The following WDR35 variants were observed in gnomAD, a reference collection of about 807,000 sequenced individuals.
The protein encoded by WDR35 is WD repeat domain 35, also known as WD repeat-containing protein 35.
In WDR35, 118 loss-of-function variants were observed where a neutral mutation model predicts 158.3. The observed-to-expected ratio is 0.75, with a 90% confidence interval of 0.64 to 0.87. The LOEUF is 0.87. Ranked by LOEUF, WDR35 falls within the 40% of genes least tolerant of loss-of-function variation. The probability of loss-of-function intolerance (pLI) is 0.00; values close to 1 mark genes in which losing one functional copy is unlikely to be tolerated. For missense variants in WDR35, 1,263 were observed against 1,405.8 expected, an observed-to-expected ratio of 0.90 and a Z score of 1.62; for synonymous variants, 448 against 476.1, an observed-to-expected ratio of 0.94 and a Z score of 0.77.
chr2:19,917,171 TAAC>T (rs1277917800), intron 25 of WDR35, among the ~76,000 whole-genome samples: 2 of 152,050 alleles, frequency 1.3e-5, no homozygotes, highest in Non-Finnish European at 2.9e-5. Flanking sequence ...GAAGGAAAAC[TAAC>T]AAACAGAAAG....
At chr2:19,963,119 T>A (rs1230541574) in intron 10 of WDR35, among the ~76,000 whole-genome samples, 1 of 152,192 alleles carries the variant, frequency 6.6e-6, no homozygotes, top group African/African-American at 2.4e-5. Flanking sequence ...CTTTCTTTCA[T>A]TCCCTTTTCC....
intron 12 of WDR35, 79 bp downstream of exon 12, chr2:19,953,755 C>A (rs147967623): frequency 1.1e-5 from 18 of 1,582,306 alleles, no homozygotes; most frequent in African/African-American, 1.3e-5. Context: ...AGTTATCAAG[C>A]ATGACAATTT....
At chr2:19,950,461 T>C (rs148864616) in intron 13 of WDR35, among the ~76,000 whole-genome samples, 6 of 152,212 alleles carry the variant, frequency 3.9e-5, no homozygotes, top group Non-Finnish European at 8.8e-5. Context: ...AGAGAGAAGG[T>C]AGTAGCTGGA....
intron 25 of WDR35, among the ~76,000 whole-genome samples, chr2:19,917,205 A>C (rs940176046): frequency 6.6e-6 from 1 of 152,184 alleles, no homozygotes; most frequent in Non-Finnish European, 1.5e-5. Context: ...AACACCAACA[A>C]AAAGGATGTC....
chr2:19,972,298 T>G (rs535618969), intron 8 of WDR35, among the ~76,000 whole-genome samples: 1 of 152,340 alleles, frequency 6.6e-6, no homozygotes, highest in Non-Finnish European at 1.5e-5. Context: ...TAGTTACAGC[T>G]AAACCAAACC....
chr2:19,978,692 AAAG>A, intron 5 of WDR35, 56 bp downstream of exon 5: 2 of 1,610,802 alleles, frequency 1.2e-6, no homozygotes, highest in Non-Finnish European at 1.7e-6. Context: ...TTAAATCTCT[AAAG>A]AAGAAAACTG....
chr2:19,950,551 A>G (rs993910219), intron 13 of WDR35, among the ~76,000 whole-genome samples: 4 of 152,186 alleles, frequency 2.6e-5, no homozygotes, highest in Admixed American at 2.6e-4. Flanking sequence ...GGTACAGGAG[A>G]AAAGCTGGTT....
At chr2:19,926,199 A>C (rs889237507) in intron 25 of WDR35, among the ~76,000 whole-genome samples, 1 of 152,226 alleles carries the variant, frequency 6.6e-6, no homozygotes, top group African/African-American at 2.4e-5. Context: ...ATTCCAAAAA[A>C]TTGGCCTTTA....
intron 8 of WDR35, among the ~76,000 whole-genome samples, chr2:19,970,704 G>A (rs539916747): frequency 2.6e-5 from 4 of 152,210 alleles, no homozygotes; most frequent in East Asian, 3.9e-4. Context: ...GTGCCTGCTC[G>A]TGAAGGAACT....
Position 19,937,881 on chromosome 2 carries a change from C to A in WDR35, c.2129G>T (p.Arg710Leu), listed in dbSNP as rs370797645. The change falls in exon 19 of 27, where the codon CGC becomes CTC. Residue 710 changes from arginine to leucine, a missense_variant. Transcript: ENST00000281405. ...DLYTAEQAFV[R>L]CKDYQGIKFV... ...CTTAATGCCTTGGTAATCTTTGCAG[C>A]GCACAAATGCTTGCTCTGCAGTGTA... 8.7e-6 allele frequency: 14 copies of A among 1,614,016 alleles called. No homozygotes were observed. In the Middle Eastern group the frequency reaches 6.6e-4, roughly 76 times the overall value.
intron 4 of WDR35, among the ~76,000 whole-genome samples, chr2:19,980,489 C>T (rs1412686864): frequency 1.3e-5 from 2 of 152,050 alleles, no homozygotes; most frequent in Non-Finnish European, 2.9e-5. Context: ...ACCTAATTCA[C>T]TTTCTTAATA....
At chr2:19,969,709 G>C in intron 8 of WDR35, 104 bp from the exon 9 acceptor site, 2 of 1,228,944 alleles carry the variant, frequency 1.6e-6, no homozygotes, top group Non-Finnish European at 2.3e-6. Context: ...ACATTATTTT[G>C]TGAAAAGTTA....
At chr2:19,944,604 A>C (rs983228625) in intron 16 of WDR35, among the ~76,000 whole-genome samples, 1 of 152,132 alleles carries the variant, frequency 6.6e-6, no homozygotes, top group Non-Finnish European at 1.5e-5. Context: ...TGGACCCTTG[A>C]AAGAAGCCCA....
chr2:19,978,262 T>G (rs935549229), intron 5 of WDR35, among the ~76,000 whole-genome samples: 11 of 151,892 alleles, frequency 7.2e-5, no homozygotes, highest in African/African-American at 2.2e-4. Flanking sequence ...TTAAAATAAA[T>G]TATTTATCTA....
chr2:19,926,051 T>A (rs1442063323), intron 25 of WDR35, among the ~76,000 whole-genome samples: 1 of 152,196 alleles, frequency 6.6e-6, no homozygotes, highest in Non-Finnish European at 1.5e-5. Context: ...AGCTCCAACA[T>A]TTTCCCCTTG....
chr2:19,980,947 T>C (rs1239075718), intron 3 of WDR35, among the ~76,000 whole-genome samples, 164 bp from the exon 4 acceptor site: 2 of 152,236 alleles, frequency 1.3e-5, no homozygotes, highest in East Asian at 1.9e-4. Context: ...GTTATTGATA[T>C]CACTAATTTT....
At chr2:19,964,794 C>T (rs541312080) in intron 10 of WDR35, among the ~76,000 whole-genome samples, 70 of 152,224 alleles carry the variant, frequency 4.6e-4, no homozygotes, top group African/African-American at 1.6e-3. Context: ...CCTTCTAATC[C>T]TCCAGCCAAA....
chr2:19,952,644 G>A (rs1259079872), intron 12 of WDR35, among the ~76,000 whole-genome samples: 1 of 152,056 alleles, frequency 6.6e-6, no homozygotes. Context: ...CTACCAGCAT[G>A]AGGACTACCA....
At position 19,910,621 on chromosome 2, in the gene WDR35, G is replaced by A. The variant is rs1048799091; in HGVS notation, c.*2937C>T. On this transcript the variant is annotated 3_prime_UTR_variant, in exon 27 of 27. Coordinates refer to ENST00000281405, the MANE Select transcript of WDR35 (RefSeq NM_020779.4). Reference sequence around the variant, plus strand: ...GAGAACAACATAACTGTTTAATGATGCTGTCTTCAATATACTACCTAATTC... The same window carrying A: ...GAGAACAACATAACTGTTTAATGATACTGTCTTCAATATACTACCTAATTC... 2 of 152,172 alleles carry A rather than the reference G, an allele frequency of 1.3e-5. No individual in the cohort carries two copies. The highest frequency in any genetic ancestry group is 6.5e-5 in the Admixed American group (1 of 15,274). The allele number at this position is 152,172 out of a possible 1,614,324, so 9.4% of individuals were successfully genotyped here.
Sources: allele counts gnomAD v4.1 joint callset (sites outside exome capture counted in the v4.1 genomes callset), GRCh38; gene constraint gnomAD v4.1.1; transcripts MANE v1.5; gene names NCBI Gene and HGNC (gene_info 2026-07-23, HGNC 2026-07-21).